The following GTF2E2 variants were observed in gnomAD, a reference collection of about 807,000 sequenced individuals.
GTF2E2 encodes transcription initiation factor IIE subunit beta.
GTF2E2 carries 21 observed loss-of-function variants against 40.5 expected under a neutral mutation model. The observed-to-expected ratio is 0.52, with a 90% CI of 0.37 to 0.75. GTF2E2 has a LOEUF of 0.75. GTF2E2 is among the 30% of genes least tolerant of loss of function. The pLI is 0.00. For synonymous variants in GTF2E2, 117 were observed against 121.6 expected (o/e 0.96, Z 0.25); for missense variants, 298 against 338.4 (o/e 0.88, Z 0.94).
At position 30,578,823 on chromosome 8, in the gene GTF2E2, G is replaced by A. The variant is rs990613178; in HGVS notation, c.*98C>T. On this transcript the variant is annotated 3_prime_UTR_variant, in exon 8 of 8. Transcript: ENST00000355904. ...AACTGAACTGCTCCTCTCCTCAGCC[G>A]CAAGAAGCAGATAGGAAGACAGTCT... The A allele has an allele frequency of 3.0e-5, 22 of 734,648 alleles. No homozygotes were observed. Among genetic ancestry groups the A allele is most frequent in the African/African-American group, 1.6e-4 (9 of 57,330 alleles). 45.5% of individuals were successfully genotyped at this position (734,648 alleles called of 1,614,324 possible).
At chr8:30,643,514 G>A (rs1801932713) in intron 2 of GTF2E2, 1 of 152,180 alleles carries the variant, frequency 6.6e-6, no homozygotes, top group Admixed American at 6.5e-5. Context: ...AAATTAGCCA[G>A]GTGTGGTGGC....
chr8:30,601,173 G>A (rs539875216), intron 6 of GTF2E2, among the ~76,000 whole-genome samples: 2 of 152,268 alleles, frequency 1.3e-5, no homozygotes, highest in South Asian at 4.1e-4. Flanking sequence ...CTACAGCACC[G>A]TGTGAACACC....
chr8:30,630,021 T>A (rs1801396834), intron 3 of GTF2E2, among the ~76,000 whole-genome samples: 1 of 152,232 alleles, frequency 6.6e-6, no homozygotes, highest in Non-Finnish European at 1.5e-5. Flanking sequence ...TAAGGGGATT[T>A]TCGAGATAAC....
intron 6 of GTF2E2, among the ~76,000 whole-genome samples, chr8:30,583,990 T>A (rs1032185875): frequency 6.6e-6 from 1 of 151,844 alleles, no homozygotes; most frequent in Non-Finnish European, 1.5e-5. Flanking sequence ...TATTTTTTAG[T>A]AGAGACAGGG....
chr8:30,582,619 G>A (rs771917577), intron 6 of GTF2E2, among the ~76,000 whole-genome samples: 7 of 152,182 alleles, frequency 4.6e-5, no homozygotes, highest in Admixed American at 2.0e-4. Flanking sequence ...TTCTCTAAGT[G>A]TGGCCAGTCT....
At chr8:30,630,637 C>T (rs1198715447) in intron 3 of GTF2E2, among the ~76,000 whole-genome samples, 1 of 152,068 alleles carries the variant, frequency 6.6e-6, no homozygotes, top group Non-Finnish European at 1.5e-5. Context: ...AAAAAGTAAT[C>T]TCACCTCCAT....
intron 6 of GTF2E2, among the ~76,000 whole-genome samples, chr8:30,599,083 T>C (rs1168035340): frequency 6.6e-6 from 1 of 152,234 alleles, no homozygotes; most frequent in African/African-American, 2.4e-5. Context: ...TCAGTATTTA[T>C]GAGGACATGA....
chr8:30,579,186 C>T (rs1414967850), intron 7 of GTF2E2, 149 bp from the exon 8 acceptor site: 6 of 661,046 alleles, frequency 9.1e-6, no homozygotes, highest in African/African-American at 1.8e-5. Context: ...ACACATGGGG[C>T]ACAGCACACG....
At chr8:30,655,483 A>C (rs887664588) in intron 1 of GTF2E2, among the ~76,000 whole-genome samples, 4 of 152,208 alleles carry the variant, frequency 2.6e-5, no homozygotes, top group African/African-American at 9.6e-5. Flanking sequence ...TCATACTTTG[A>C]AAGCTTTTAA....
At position 30,578,908 on chromosome 8, in the gene GTF2E2, G is replaced by C; in HGVS notation, c.*13C>G. The C allele has an allele frequency of 2.3e-6, 3 of 1,297,728 alleles. No homozygotes were observed. Among genetic ancestry groups the C allele is most frequent in the Non-Finnish European group, 3.4e-6 (3 of 890,884 alleles). 80.4% of individuals were successfully genotyped at this position (1,297,728 alleles called of 1,614,324 possible). On this transcript the variant is annotated 3_prime_UTR_variant, in exon 8 of 8. Coordinates refer to ENST00000355904, the MANE Select transcript of GTF2E2 (RefSeq NM_002095.6). Reference sequence around the variant, plus strand: ...TGTGTATCTGTAACTCTGTTCCAGGGCAAAACTGTTCCCTATTTGCTGGAA... The same window carrying C: ...TGTGTATCTGTAACTCTGTTCCAGGCCAAAACTGTTCCCTATTTGCTGGAA...
intron 6 of GTF2E2, among the ~76,000 whole-genome samples, chr8:30,604,127 GA>G (rs1349862542): frequency 6.6e-6 from 1 of 151,952 alleles, no homozygotes; most frequent in East Asian, 1.9e-4. Flanking sequence ...GGGAGAGGAA[GA>G]AAAACTACTT....
intron 3 of GTF2E2, among the ~76,000 whole-genome samples, chr8:30,627,046 C>T (rs1240837548): frequency 2.6e-5 from 4 of 152,212 alleles, no homozygotes; most frequent in African/African-American, 9.6e-5. Context: ...TAGAATCACA[C>T]CACTGATGGG....
At chr8:30,635,421 T>C (rs1196892322) in intron 2 of GTF2E2, among the ~76,000 whole-genome samples, 1 of 152,156 alleles carries the variant, frequency 6.6e-6, no homozygotes, top group Admixed American at 6.6e-5. Flanking sequence ...GCATTCCCAT[T>C]GCCCAGGCTG....
At chr8:30,602,348 T>C (rs766860350) in intron 6 of GTF2E2, among the ~76,000 whole-genome samples, 4 of 152,152 alleles carry the variant, frequency 2.6e-5, no homozygotes, top group Non-Finnish European at 5.9e-5. Context: ...AAAAAATATA[T>C]TTTAAAGAAT....
At chr8:30,605,340 A>G (rs943075172) in intron 6 of GTF2E2, among the ~76,000 whole-genome samples, 4 of 152,316 alleles carry the variant, frequency 2.6e-5, no homozygotes, top group East Asian at 3.9e-4. Flanking sequence ...AATGACAGTA[A>G]GTCACACAAT....
At chr8:30,645,147 A>C in intron 2 of GTF2E2, 1 of 799,972 alleles carries the variant, frequency 1.3e-6, no homozygotes, top group Non-Finnish European at 1.9e-6. Flanking sequence ...AAAAAAATTC[A>C]AAACTACCAT....
chr8:30,641,585 CCT>C (rs1388298965), intron 2 of GTF2E2, among the ~76,000 whole-genome samples: 1 of 152,120 alleles, frequency 6.6e-6, no homozygotes, highest in Non-Finnish European at 1.5e-5. Context: ...GTCTCAAACT[CCT>C]GGGCTTGGCC....
chr8:30,644,862 C>T (rs888154966), intron 2 of GTF2E2, among the ~76,000 whole-genome samples: 3 of 152,074 alleles, frequency 2.0e-5, no homozygotes, highest in Non-Finnish European at 2.9e-5. Flanking sequence ...GCAATCTTCC[C>T]GGCTTAGCCT....
At chr8:30,643,108 C>T (rs1202238681) in intron 2 of GTF2E2, among the ~76,000 whole-genome samples, 1 of 152,048 alleles carries the variant, frequency 6.6e-6, no homozygotes, top group East Asian at 1.9e-4. Flanking sequence ...CCTTAGAAAA[C>T]ATAATTTTAT....
Sources: gnomAD v4.1 joint callset for allele counts (sites outside exome capture counted in the v4.1 genomes callset) on GRCh38, gnomAD v4.1.1 for gene constraint, MANE v1.5 for transcripts, NCBI Gene and HGNC (gene_info 2026-07-23, HGNC 2026-07-21) for gene names.